Variants in OPA1 observed in about 807,000 individuals in gnomAD.
OPA1 encodes OPA1 mitochondrial dynamin like GTPase.
OPA1 carries 59 observed loss-of-function variants against 152.9 expected under a neutral mutation model. That is an observed-to-expected ratio of 0.39 (90% CI 0.31 to 0.48). The LOEUF (loss-of-function observed/expected upper bound fraction) is 0.48, where lower values mean the gene tolerates loss of function less well. Ranked by LOEUF, OPA1 falls within the 20% of genes least tolerant of loss-of-function variation. OPA1 has a pLI of 0.96. For synonymous variants in OPA1, 400 were observed against 389.9 expected (o/e 1.03, Z -0.31); for missense variants, 1,008 against 1,216.8 (o/e 0.83, Z 2.55).
intron 1 of OPA1, among the ~76,000 whole-genome samples, chr3:193,602,121 GA>G (rs1385238335): frequency 1.3e-5 from 2 of 152,204 alleles, no homozygotes; most frequent in Admixed American, 1.3e-4. Context: ...GTGATCTAGG[GA>G]AAGCTGTCTG....
chr3:193,630,051 A>T (rs1731830460), intron 7 of OPA1, among the ~76,000 whole-genome samples: 1 of 152,218 alleles, frequency 6.6e-6, no homozygotes, highest in Non-Finnish European at 1.5e-5. Context: ...ATTTTTTATG[A>T]CCACACTATT....
chr3:193,629,446 C>G (rs1024728773), intron 7 of OPA1, among the ~76,000 whole-genome samples: 1 of 151,838 alleles, frequency 6.6e-6, no homozygotes, highest in Admixed American at 6.6e-5. Flanking sequence ...CGCCTGTAAT[C>G]CCAGCACTTT....
At chr3:193,636,454 A>C (rs550392737) in intron 9 of OPA1, among the ~76,000 whole-genome samples, 1 of 149,332 alleles carries the variant, frequency 6.7e-6, no homozygotes, top group African/African-American at 2.5e-5. Flanking sequence ...TAAGAAATGA[A>C]AGGACCCTTA....
intron 11 of OPA1, among the ~76,000 whole-genome samples, chr3:193,639,947 G>A (rs1733508863): frequency 6.6e-6 from 1 of 152,094 alleles, no homozygotes; most frequent in Non-Finnish European, 1.5e-5. Flanking sequence ...GAGAGAGAGA[G>A]TGTCAATCAT....
intron 1 of OPA1, among the ~76,000 whole-genome samples, chr3:193,610,221 A>G (rs1243711009): frequency 6.6e-6 from 1 of 152,088 alleles, no homozygotes; most frequent in Non-Finnish European, 1.5e-5. Context: ...TTTGGTGTGG[A>G]TGTCCTTTCT....
chr3:193,599,587 A>G (rs1726151974), intron 1 of OPA1, among the ~76,000 whole-genome samples: 1 of 151,890 alleles, frequency 6.6e-6, no homozygotes, highest in Non-Finnish European at 1.5e-5. Context: ...GGCCACATGT[A>G]TTTCTGCATC....
chr3:193,628,160 G>A (rs1367534456), intron 7 of OPA1, among the ~76,000 whole-genome samples: 1 of 152,028 alleles, frequency 6.6e-6, no homozygotes, highest in Non-Finnish European at 1.5e-5. Flanking sequence ...TTTACTTGAT[G>A]CATAAAACCG....
chr3:193,644,994 CTTTT>C (rs77645504), intron 16 of OPA1, among the ~76,000 whole-genome samples: 1 of 140,898 alleles, frequency 7.1e-6, no homozygotes, highest in Non-Finnish European at 1.6e-5. Context: ...GGTACATAGT[CTTTT>C]TTTTTTTTTA....
intron 1 of OPA1, among the ~76,000 whole-genome samples, chr3:193,599,098 T>C (rs1726060661): frequency 6.6e-6 from 1 of 152,220 alleles, no homozygotes; most frequent in African/African-American, 2.4e-5. Flanking sequence ...CTTTAGGCTC[T>C]TCCCCTTACA....
chr3:193,669,028 T>TA (rs1461195582), intron 29 of OPA1: 1 of 248,436 alleles, frequency 4.0e-6, no homozygotes, highest in African/African-American at 2.3e-5. Flanking sequence ...TTTCCTGTCT[T>TA]ATTAGTTTTC....
intron 5 of OPA1, 135 bp downstream of exon 5, chr3:193,617,972 C>T (rs1729338690): frequency 1.4e-6 from 1 of 691,360 alleles, no homozygotes; most frequent in Non-Finnish European, 2.6e-6. Flanking sequence ...CTATATTAGG[C>T]AAACTCATTA....
intron 29 of OPA1, among the ~76,000 whole-genome samples, chr3:193,672,596 C>A (rs1040630741): frequency 1.3e-5 from 2 of 152,046 alleles, no homozygotes; most frequent in Non-Finnish European, 1.5e-5. Context: ...TGGCCGGATG[C>A]GGTGCCTCAC....
rs377239493 is a variant in OPA1 at position 193,615,820 on chromosome 3, A to G, written c.448+50A>G. On this transcript the variant is annotated intron_variant, in intron 3 of 30. Transcript: ENST00000361510. Reference sequence around the variant, plus strand: ...CTTTTTTTGGTCATCTCGAGGAAAGAGAAATAGTTTATTGAGATAGTTTCT... The same window carrying G: ...CTTTTTTTGGTCATCTCGAGGAAAGGGAAATAGTTTATTGAGATAGTTTCT... 2.2e-3 allele frequency: 2,309 copies of G among 1,033,702 alleles called. 55 individuals carry two copies. The South Asian group carries it at 0.028, about 12-fold the overall frequency. 64.0% of individuals were successfully genotyped at this position (1,033,702 alleles called of 1,614,324 possible). A position where few individuals can be genotyped will look rare whatever the true frequency, so the allele number is the denominator to read the frequency against.
At position 193,647,114 on chromosome 3, in the gene OPA1, G is replaced by A; in HGVS notation, c.1804G>A (p.Ala602Thr). 9 of 1,613,496 alleles carry A rather than the reference G, an allele frequency of 5.6e-6. No homozygotes were observed. Among genetic ancestry groups the A allele is most frequent in the Non-Finnish European group, 6.8e-6 (8 of 1,179,870 alleles). ...AGTGACTACAAGAAATTTAAGCCTT[G>A]CAGTATCAGACTGCTTTTGGAAAAT... Reference protein sequence around the residue: ...HQVTTRNLSLAVSDCFWKMVR... With the variant: ...HQVTTRNLSLTVSDCFWKMVR... Residue 602 changes from alanine to threonine, a missense_variant, in exon 19 of 31, where the codon GCA becomes ACA. Transcript: ENST00000361510.
chr3:193,670,821 A>G (rs567881734), intron 29 of OPA1, among the ~76,000 whole-genome samples: 1 of 152,354 alleles, frequency 6.6e-6, no homozygotes, highest in East Asian at 1.9e-4. Flanking sequence ...ATTTTGTCTC[A>G]GGAGAGGCTC....
chr3:193,609,658 G>A (rs1051569659), intron 1 of OPA1, among the ~76,000 whole-genome samples: 4 of 152,154 alleles, frequency 2.6e-5, no homozygotes, highest in Admixed American at 2.0e-4. Flanking sequence ...CATTCTTCCC[G>A]TCACTTTCAG....
At chr3:193,633,830 TAAAC>T (rs899373412) in intron 8 of OPA1, among the ~76,000 whole-genome samples, 3 of 152,152 alleles carry the variant, frequency 2.0e-5, no homozygotes, top group Non-Finnish European at 4.4e-5. Context: ...GCTGCCGTGT[TAAAC>T]AACACAGATC....
intron 6 of OPA1, among the ~76,000 whole-genome samples, chr3:193,621,803 G>T (rs897491052): frequency 2.6e-5 from 4 of 152,178 alleles, no homozygotes; most frequent in African/African-American, 9.7e-5. Context: ...CTGAGACTCG[G>T]AGACCTTCAG....
At chr3:193,642,074 C>A (rs182006660) in intron 11 of OPA1, among the ~76,000 whole-genome samples, 169 of 152,286 alleles carry the variant, frequency 1.1e-3, no homozygotes, top group African/African-American at 3.8e-3. Flanking sequence ...CGAGATCATG[C>A]CACTGCACTT....
Sources: gnomAD v4.1 joint callset for allele counts (sites outside exome capture counted in the v4.1 genomes callset) on GRCh38, gnomAD v4.1.1 for gene constraint, MANE v1.5 for transcripts, NCBI Gene and HGNC (gene_info 2026-07-23, HGNC 2026-07-21) for gene names.